Variants in COMMD1 observed in about 807,000 individuals in gnomAD.
The protein encoded by COMMD1 is copper metabolism domain containing 1.
COMMD1 carries 10 observed loss-of-function variants against 17.2 expected under a neutral mutation model. The observed-to-expected ratio is 0.58, with a 90% CI of 0.36 to 0.99. The LOEUF (loss-of-function observed/expected upper bound fraction) is 0.99. COMMD1 is among the 50% of genes least tolerant of loss of function. The pLI is 0.01. For missense variants in COMMD1, 270 were observed against 231.8 expected (o/e 1.17, Z -1.07); for synonymous variants, 97 against 91.6 (o/e 1.06, Z -0.34).
intron 2 of COMMD1, among the ~76,000 whole-genome samples, chr2:62,127,811 G>T (rs1452081530): frequency 1.3e-5 from 2 of 150,506 alleles, no homozygotes; most frequent in South Asian, 4.2e-4. Flanking sequence ...ATCATTTGAG[G>T]TCAAGAGTTT....
intron 2 of COMMD1, among the ~76,000 whole-genome samples, chr2:62,124,887 A>T (rs1377013975): frequency 6.6e-6 from 1 of 152,186 alleles, no homozygotes; most frequent in Non-Finnish European, 1.5e-5. Context: ...AGTCACTTAC[A>T]TCAGTGGTAG....
intron 1 of COMMD1, among the ~76,000 whole-genome samples, chr2:61,954,877 G>A (rs1671154846): frequency 6.6e-6 from 1 of 152,136 alleles, no homozygotes; most frequent in Non-Finnish European, 1.5e-5. Flanking sequence ...GTTTCACCGT[G>A]TTGCCCAGGC....
At chr2:62,129,268 A>G (rs914533291) in intron 2 of COMMD1, among the ~76,000 whole-genome samples, 7 of 152,228 alleles carry the variant, frequency 4.6e-5, no homozygotes, top group Non-Finnish European at 1.0e-4. Flanking sequence ...AATTAATATA[A>G]TAACCTCTCT....
intron 2 of COMMD1, among the ~76,000 whole-genome samples, chr2:62,077,240 G>T (rs1671372190): frequency 6.6e-6 from 1 of 152,108 alleles, no homozygotes; most frequent in South Asian, 2.1e-4. Context: ...TTTAAGAGAA[G>T]GAAGAAATAG....
intron 2 of COMMD1, among the ~76,000 whole-genome samples, chr2:62,027,251 G>A (rs1364857095): frequency 2.6e-5 from 4 of 151,992 alleles, no homozygotes; most frequent in African/African-American, 9.7e-5. Flanking sequence ...ATGAGCTTGT[G>A]TTTCTCTTCT....
intron 2 of COMMD1, among the ~76,000 whole-genome samples, chr2:62,121,607 G>A (rs1213527569): frequency 1.3e-5 from 2 of 149,952 alleles, no homozygotes; most frequent in East Asian, 4.0e-4. Flanking sequence ...GCGTGTTGGT[G>A]TGCACCTGTA....
intron 1 of COMMD1, among the ~76,000 whole-genome samples, chr2:61,935,262 A>T (rs1670574075): frequency 6.6e-6 from 1 of 152,242 alleles, no homozygotes; most frequent in Non-Finnish European, 1.5e-5. Context: ...AGTAGTGAAA[A>T]ATAACTCAGA....
intron 1 of COMMD1, among the ~76,000 whole-genome samples, chr2:61,965,393 G>T (rs1342658925): frequency 6.6e-6 from 1 of 152,172 alleles, no homozygotes. Context: ...TGATCTGTCT[G>T]CTAGGCCCAG....
At chr2:62,021,424 A>G (rs1669612173) in intron 2 of COMMD1, among the ~76,000 whole-genome samples, 1 of 152,176 alleles carries the variant, frequency 6.6e-6, no homozygotes, top group African/African-American at 2.4e-5. Flanking sequence ...GCAGAAGGAA[A>G]GCTAAGGGTG....
intron 1 of COMMD1, among the ~76,000 whole-genome samples, chr2:61,931,112 G>C (rs950696374): frequency 6.6e-6 from 1 of 152,000 alleles, no homozygotes. Context: ...AGGAGTTCGA[G>C]ACCAGCCTGG....
At chr2:62,003,035 C>G (rs1028143498) in intron 2 of COMMD1, among the ~76,000 whole-genome samples, 1 of 151,120 alleles carries the variant, frequency 6.6e-6, no homozygotes, top group African/African-American at 2.4e-5. Flanking sequence ...GAGATCAAGA[C>G]CAGCCTGGCC....
At chr2:62,124,003 G>C (rs1672823113) in intron 2 of COMMD1, among the ~76,000 whole-genome samples, 1 of 150,000 alleles carries the variant, frequency 6.7e-6, no homozygotes, top group African/African-American at 2.5e-5. Context: ...TGAAGTCACA[G>C]TTAAAGTTCC....
chr2:61,929,115 G>C (rs1670399899), intron 1 of COMMD1, among the ~76,000 whole-genome samples: 1 of 152,194 alleles, frequency 6.6e-6, no homozygotes, highest in Non-Finnish European at 1.5e-5. Flanking sequence ...CTGGGCAAGT[G>C]TTCTTCTGAA....
intron 2 of COMMD1, among the ~76,000 whole-genome samples, chr2:62,059,454 C>G (rs538688952): frequency 1.3e-5 from 2 of 152,132 alleles, no homozygotes; most frequent in African/African-American, 4.8e-5. Flanking sequence ...CTATGCCTGT[C>G]CTGTTGTATC....
chr2:61,943,404 C>CT (rs1409827640), intron 1 of COMMD1, among the ~76,000 whole-genome samples: 1 of 152,140 alleles, frequency 6.6e-6, no homozygotes, highest in African/African-American at 2.4e-5. Flanking sequence ...TGAGCTGTGC[C>CT]TTAAGGTTTA....
At chr2:62,071,159 G>A (rs542885278) in intron 2 of COMMD1, among the ~76,000 whole-genome samples, 7 of 152,298 alleles carry the variant, frequency 4.6e-5, no homozygotes, top group African/African-American at 1.4e-4. Context: ...TGAGTTTTCC[G>A]GGAAAGGGGT....
At chr2:61,956,934 A>G (rs987219841) in intron 1 of COMMD1, among the ~76,000 whole-genome samples, 5 of 151,524 alleles carry the variant, frequency 3.3e-5, no homozygotes, top group African/African-American at 1.2e-4. Context: ...GTGTTTTAGT[A>G]GAGATGGGGT....
intron 1 of COMMD1, among the ~76,000 whole-genome samples, chr2:61,966,951 C>G (rs530705867): frequency 1.7e-3 from 266 of 152,166 alleles, no homozygotes; most frequent in African/African-American, 5.4e-3. Flanking sequence ...ATTTTCCTTT[C>G]TCTTCCATGA....
intron 1 of COMMD1, among the ~76,000 whole-genome samples, chr2:61,956,854 A>G (rs1275640248): frequency 6.6e-6 from 1 of 151,912 alleles, no homozygotes; most frequent in African/African-American, 2.4e-5. Flanking sequence ...GAGTTCAAGC[A>G]ATTTCCCTGC....
Sources: gnomAD v4.1 joint callset for allele counts (sites outside exome capture counted in the v4.1 genomes callset) on GRCh38, gnomAD v4.1.1 for gene constraint, MANE v1.5 for transcripts, NCBI Gene and HGNC (gene_info 2026-07-23, HGNC 2026-07-21) for gene names.